The following ARB2A variants were observed in gnomAD, a reference collection of about 807,000 sequenced individuals.
The protein encoded by ARB2A is ARB2 cotranscriptional regulator A.
chr5:93,620,999 GTGCT>G, the ARB2A span: 2 of 1,610,950 alleles, frequency 1.2e-6, no homozygotes, highest in Admixed American at 3.4e-5. Context: ...ACAGCTCTTC[GTGCT>G]TGATGCGGTG....
the ARB2A span, among the ~76,000 whole-genome samples, chr5:93,667,814 G>A: frequency 2.0e-5 from 3 of 151,960 alleles, no homozygotes; most frequent in African/African-American, 7.3e-5. Flanking sequence ...TAGTTTTTTG[G>A]GCCAATTTAT....
At chr5:93,870,532 G>GTCCAC in the ARB2A span, among the ~76,000 whole-genome samples, 1 of 152,216 alleles carries the variant, frequency 6.6e-6, no homozygotes, top group African/African-American at 2.4e-5. Flanking sequence ...CAAACCTCTG[G>GTCCAC]AGATTCCTGA....
chr5:93,665,032 G>T, the ARB2A span, among the ~76,000 whole-genome samples: 1 of 152,038 alleles, frequency 6.6e-6, no homozygotes, highest in Admixed American at 6.5e-5. Flanking sequence ...TTGCCATGTT[G>T]CCCAGGCTGA....
chr5:93,748,462 T>C, the ARB2A span, among the ~76,000 whole-genome samples: 1 of 152,040 alleles, frequency 6.6e-6, no homozygotes, highest in Non-Finnish European at 1.5e-5. Context: ...CTTAGATACT[T>C]TGAAAATAAA....
chr5:93,830,311 G>GTGTGTGTGTGTGTA, the ARB2A span, among the ~76,000 whole-genome samples: 1 of 82,260 alleles, frequency 1.2e-5, no homozygotes, highest in African/African-American at 5.2e-5. Context: ...GTGTGTGTGT[G>GTGTGTGTGTGTGTA]TATATATATA....
chr5:94,111,326 G>C, the ARB2A span, among the ~76,000 whole-genome samples: 1 of 152,106 alleles, frequency 6.6e-6, no homozygotes, highest in South Asian at 2.1e-4. Flanking sequence ...TGGAACATGG[G>C]ACCTGCCCAT....
At chr5:93,921,267 T>C in the ARB2A span, among the ~76,000 whole-genome samples, 3 of 151,598 alleles carry the variant, frequency 2.0e-5, no homozygotes, top group Non-Finnish European at 4.4e-5. Flanking sequence ...ATATTGAAAA[T>C]GCAGCTTTTA....
the ARB2A span, among the ~76,000 whole-genome samples, chr5:93,967,538 G>A: frequency 6.6e-6 from 1 of 152,024 alleles, no homozygotes; most frequent in Non-Finnish European, 1.5e-5. Flanking sequence ...AAACTGCAAC[G>A]GAGGAACTGC....
At chr5:93,635,144 A>G in the ARB2A span, among the ~76,000 whole-genome samples, 11 of 152,346 alleles carry the variant, frequency 7.2e-5, no homozygotes, top group African/African-American at 2.2e-4. Context: ...AACAAAATGC[A>G]AAGAACCATA....
At chr5:93,947,508 C>CTTT in the ARB2A span, among the ~76,000 whole-genome samples, 101,595 of 149,234 alleles carry the variant, frequency 0.68, 37,472 homozygotes, top group South Asian at 0.85. Flanking sequence ...ACTGTATCTT[C>CTTT]TTTTTATTAT....
chr5:93,900,080 T>C, the ARB2A span, among the ~76,000 whole-genome samples: 1 of 152,176 alleles, frequency 6.6e-6, no homozygotes, highest in Non-Finnish European at 1.5e-5. Context: ...GGACAACTCT[T>C]TCAGGAATCC....
At chr5:93,683,910 G>C in the ARB2A span, among the ~76,000 whole-genome samples, 1 of 152,064 alleles carries the variant, frequency 6.6e-6, no homozygotes, top group Non-Finnish European at 1.5e-5. Context: ...TGAATATACA[G>C]TATGTATTTT....
At chr5:93,655,751 C>T in the ARB2A span, among the ~76,000 whole-genome samples, 2 of 152,068 alleles carry the variant, frequency 1.3e-5, no homozygotes, top group Non-Finnish European at 2.9e-5. Flanking sequence ...GTAGCAGCCA[C>T]AGGACTAGGG....
the ARB2A span, among the ~76,000 whole-genome samples, chr5:94,030,614 G>A: frequency 2.9e-4 from 44 of 152,178 alleles, no homozygotes; most frequent in Non-Finnish European, 5.9e-5. Context: ...TAAGTGATGC[G>A]CTGGGTCTAC....
the ARB2A span, among the ~76,000 whole-genome samples, chr5:93,914,700 A>C: frequency 3.3e-5 from 5 of 151,922 alleles, no homozygotes; most frequent in South Asian, 1.0e-3. Flanking sequence ...GAATAAAATA[A>C]ATTTCATAAT....
the ARB2A span, among the ~76,000 whole-genome samples, chr5:93,998,987 T>A: frequency 1.3e-5 from 2 of 152,080 alleles, no homozygotes. Flanking sequence ...ATGCTTTGTT[T>A]CTGGCACAGA....
chr5:94,054,340 G>C, the ARB2A span, among the ~76,000 whole-genome samples: 2 of 151,812 alleles, frequency 1.3e-5, no homozygotes, highest in Admixed American at 1.3e-4. Flanking sequence ...CAGTCTCTGT[G>C]GTCTGTGATA....
the ARB2A span, among the ~76,000 whole-genome samples, chr5:94,093,470 G>A: frequency 6.6e-6 from 1 of 152,116 alleles, no homozygotes; most frequent in Non-Finnish European, 1.5e-5. Flanking sequence ...AGAGCTCTCT[G>A]GTGTCTCTTC....
At chr5:93,755,859 G>C in the ARB2A span, among the ~76,000 whole-genome samples, 395 of 152,328 alleles carry the variant, frequency 2.6e-3, 3 homozygotes, top group Middle Eastern at 0.054. Flanking sequence ...CTAACAATTT[G>C]AAAAGGGCGA....
Sources: allele counts gnomAD v4.1 joint callset (sites outside exome capture counted in the v4.1 genomes callset), GRCh38; gene constraint gnomAD v4.1.1; transcripts MANE v1.5; gene names NCBI Gene and HGNC (gene_info 2026-07-23, HGNC 2026-07-21).